The following TNR variants were observed in gnomAD, a reference collection of about 807,000 sequenced individuals.
TNR encodes the protein tenascin-R.
In TNR, 45 loss-of-function variants were observed where a neutral mutation model predicts 150.4. That is an observed-to-expected ratio of 0.30 (90% CI 0.24 to 0.38). The LOEUF (loss-of-function observed/expected upper bound fraction) is 0.38. Among genes scored for constraint, TNR ranks in the 10% least tolerant of loss-of-function variants. TNR has a pLI of 1.00. For synonymous variants in TNR, 687 were observed against 678.4 expected (o/e 1.01, Z -0.20); for missense variants, 1,544 against 1,759.1 (o/e 0.88, Z 2.19).
At chr1:175,416,176 A>G (rs1654438961) in intron 2 of TNR, among the ~76,000 whole-genome samples, 1 of 152,186 alleles carries the variant, frequency 6.6e-6, no homozygotes, top group Non-Finnish European at 1.5e-5. Context: ...AAACACACAG[A>G]CACACATACA....
rs1393332527 is a variant in TNR, at chr1:175,365,886, T to C, written c.2306A>G (p.Asp769Gly). Residue 769 changes from aspartate (D) to glycine (G), a missense_variant, in exon 11 of 23, where the codon GAT becomes GGT. Asp to Gly is a moderately conservative substitution (Grantham distance 94, BLOSUM62 -1). This residue lies in a region of TNR where 1,254 missense variants were observed against 1,329.4 expected (regional missense o/e 0.94). Transcript: ENST00000367674. ...TGCTGCTCTGGTACCTGTGAAAGCA[T>C]CCACAGTGGACTCCAAGCTCTGCTG... is the stretch of plus-strand genomic sequence containing the variant. ...GRQQSLESTV[D>G]AFTGFRPISH... 1.9e-6 allele frequency: 3 copies of C among 1,613,888 alleles called. No individual in the cohort carries two copies. The highest frequency in any genetic ancestry group is 3.3e-5 in the Admixed American group (2 of 60,022).
At chr1:175,587,986 C>T (rs1224839774) in intron 1 of TNR, among the ~76,000 whole-genome samples, 1 of 152,168 alleles carries the variant, frequency 6.6e-6, no homozygotes, top group Non-Finnish European at 1.5e-5. Context: ...ATTGGCTTGA[C>T]TGACTGAAGA....
intron 1 of TNR, among the ~76,000 whole-genome samples, chr1:175,574,030 T>C (rs1558014332): frequency 6.6e-6 from 1 of 152,200 alleles, no homozygotes; most frequent in Admixed American, 6.5e-5. Flanking sequence ...AGATCCCAGT[T>C]GTTTTTTATC....
chr1:175,599,366 T>C lies in TNR; in HGVS notation c.-164-70997A>G, dbSNP rs1663138154. 6.6e-6 allele frequency among the ~76,000 whole-genome samples: 1 copy of C among 152,338 alleles called. No homozygotes were observed. Among genetic ancestry groups the C allele is most frequent in the African/African-American group, 2.4e-5 (1 of 41,586 alleles). On this transcript the variant is annotated intron_variant, in intron 1 of 22. Coordinates refer to ENST00000367674, the MANE Select transcript of TNR (RefSeq NM_003285.3). The surrounding 1 kb of genome is among the most constrained non-coding windows in gnomAD (Gnocchi z 4.7). Reference sequence around the variant, plus strand: ...CCCTGAGAGGCACACACGCGCCTTCTGCTCACACCTCAGGCAGTCGGAGGG... The same window carrying C: ...CCCTGAGAGGCACACACGCGCCTTCCGCTCACACCTCAGGCAGTCGGAGGG...
At chr1:175,673,562 T>G (rs1008400160) in intron 1 of TNR, among the ~76,000 whole-genome samples, 2 of 152,258 alleles carry the variant, frequency 1.3e-5, no homozygotes, top group African/African-American at 4.8e-5. Context: ...TCATTTAGTC[T>G]TTCAACAAAG....
intron 1 of TNR, among the ~76,000 whole-genome samples, chr1:175,660,173 G>C (rs1467672286): frequency 1.3e-5 from 2 of 152,216 alleles, no homozygotes; most frequent in African/African-American, 2.4e-5. Context: ...AAGAGGCTCT[G>C]ATGAAAGGCT....
intron 1 of TNR, among the ~76,000 whole-genome samples, chr1:175,570,420 A>C (rs1052875586): frequency 5.3e-5 from 8 of 152,094 alleles, no homozygotes; most frequent in Non-Finnish European, 1.2e-4. Context: ...TACCACTTGG[A>C]GAGGGTGTGT....
At chr1:175,600,978 T>A (rs1444494514) in intron 1 of TNR, among the ~76,000 whole-genome samples, 2 of 152,254 alleles carry the variant, frequency 1.3e-5, no homozygotes, top group African/African-American at 2.4e-5. Context: ...TTCCTCTAGC[T>A]TTTGCAGCAT....
At chr1:175,545,265 G>T (rs1201999390) in intron 1 of TNR, among the ~76,000 whole-genome samples, 2 of 152,194 alleles carry the variant, frequency 1.3e-5, no homozygotes, top group East Asian at 3.9e-4. Context: ...GTAGGTTAAT[G>T]GTGATCTTAG....
At chr1:175,701,092 CTCTG>C (rs1207910110) in intron 1 of TNR, among the ~76,000 whole-genome samples, 1 of 152,240 alleles carries the variant, frequency 6.6e-6, no homozygotes, top group East Asian at 1.9e-4. Context: ...CTCTCAAATT[CTCTG>C]TCTTTTTATG....
chr1:175,666,845 C>T (rs898757714), intron 1 of TNR, among the ~76,000 whole-genome samples: 1 of 152,210 alleles, frequency 6.6e-6, no homozygotes, highest in Non-Finnish European at 1.5e-5. Flanking sequence ...ACTCCAGGTT[C>T]AAGCAATCCT....
chr1:175,491,772 C>T (rs1658265491), intron 2 of TNR, among the ~76,000 whole-genome samples: 1 of 151,410 alleles, frequency 6.6e-6, no homozygotes, highest in Non-Finnish European at 1.5e-5. Context: ...GCCTCAGCCT[C>T]CTGAGTCGCT....
rs138778908 is a variant in TNR, at chr1:175,418,307, G to A, written c.-63-11530C>T. Among the ~76,000 whole-genome samples, 531 of 152,262 alleles carry A rather than the reference G, an allele frequency of 3.5e-3. 3 individuals carry two copies. Among genetic ancestry groups the A allele is most frequent in the Middle Eastern group, 6.8e-3 (2 of 294 alleles). On this transcript the variant is annotated intron_variant, in intron 2 of 22. Transcript: ENST00000367674. ...TACCAGAGGTATGGGAACTTCTTCT[G>A]GGAGTCCAGCAGAAGGAGGCATTTC...
intron 1 of TNR, among the ~76,000 whole-genome samples, chr1:175,730,825 G>A (rs1289730812): frequency 6.6e-6 from 1 of 152,120 alleles, no homozygotes; most frequent in East Asian, 1.9e-4. Flanking sequence ...CTTCTCTGTG[G>A]AGCTAACATT....
intron 2 of TNR, among the ~76,000 whole-genome samples, chr1:175,487,723 C>T (rs549322584): frequency 1.3e-5 from 2 of 152,270 alleles, no homozygotes; most frequent in South Asian, 2.1e-4. Flanking sequence ...CCAAAGACTT[C>T]GTAGGAATCA....
At chr1:175,650,734 C>G in intron 1 of TNR, among the ~76,000 whole-genome samples, 1 of 5,206 alleles carries the variant, frequency 1.9e-4, no homozygotes, top group South Asian at 9.1e-3. Context: ...CTCCCCGCCT[C>G]ATTACTACCC....
intron 2 of TNR, among the ~76,000 whole-genome samples, chr1:175,448,671 G>C (rs1314667684): frequency 6.6e-6 from 1 of 152,176 alleles, no homozygotes; most frequent in Non-Finnish European, 1.5e-5. Flanking sequence ...AGCCACTGGA[G>C]GAAGCCAACC....
chr1:175,326,342 G>A (rs1469489888), intron 21 of TNR, among the ~76,000 whole-genome samples: 1 of 152,182 alleles, frequency 6.6e-6, no homozygotes, highest in East Asian at 1.9e-4. Context: ...CTTGTGTTAA[G>A]CGAGGAAAGA....
In TNR at chr1:175,322,463, A is replaced by C. The variant is rs1028367700; in HGVS notation, c.*894T>G. ...GCTGGTATAATAAGAGTGTCAGAAG[A>C]TGAGAATCTTTGGCCCATTATAAAG... On this transcript the variant is annotated 3_prime_UTR_variant, in exon 23 of 23. Coordinates refer to ENST00000367674, the MANE Select transcript of TNR (RefSeq NM_003285.3). 5.9e-5 allele frequency: 9 copies of C among 152,194 alleles called. No homozygotes were observed. The highest frequency in any genetic ancestry group is 1.0e-4 in the Non-Finnish European group (7 of 68,042). 9.4% of individuals were successfully genotyped at this position (152,194 alleles called of 1,614,324 possible).
Sources: allele counts gnomAD v4.1 joint callset (sites outside exome capture counted in the v4.1 genomes callset), GRCh38; gene constraint gnomAD v4.1.1; regional missense constraint gnomAD v4.1.1; non-coding constraint Gnocchi (gnomAD v3.1); transcripts MANE v1.5; gene names NCBI Gene and HGNC (gene_info 2026-07-23, HGNC 2026-07-21).